The following MATN2 variants were observed in gnomAD, a reference collection of about 807,000 sequenced individuals.
MATN2 encodes the protein matrilin 2.
In MATN2, 69 loss-of-function variants were observed where a neutral mutation model predicts 103.2. That is an observed-to-expected ratio of 0.67 (90% confidence interval 0.55 to 0.82). The LOEUF (loss-of-function observed/expected upper bound fraction) is 0.82. MATN2 is among the 40% of genes least tolerant of loss of function. MATN2 has a pLI of 0.00. For synonymous variants in MATN2, 429 were observed against 450.2 expected (o/e 0.95, Z 0.60); for missense variants, 1,023 against 1,211.5 (o/e 0.84, Z 2.31).
intron 11 of MATN2, 45 bp downstream of exon 11, chr8:98,016,707 T>G: frequency 6.3e-7 from 1 of 1,596,160 alleles, no homozygotes; most frequent in Non-Finnish European, 8.5e-7. Flanking sequence ...GCCAGACCAC[T>G]GTGTGAAATC....
chr8:97,920,007 G>T (rs1306789661), intron 2 of MATN2, among the ~76,000 whole-genome samples: 1 of 152,192 alleles, frequency 6.6e-6, no homozygotes, highest in Non-Finnish European at 1.5e-5. Context: ...GCTGTGTAGG[G>T]ACTACAGACA....
intron 2 of MATN2, among the ~76,000 whole-genome samples, chr8:97,896,939 G>A (rs748243357): frequency 5.9e-5 from 9 of 151,278 alleles, no homozygotes; most frequent in Non-Finnish European, 8.8e-5. Context: ...GTGGGATCAG[G>A]CAACACAGTA....
chr8:97,972,477 A>G (rs1031806410), intron 5 of MATN2, among the ~76,000 whole-genome samples: 1 of 152,236 alleles, frequency 6.6e-6, no homozygotes, highest in African/African-American at 2.4e-5. Flanking sequence ...ATGTATGCTC[A>G]GCAAGTAAAT....
intron 12 of MATN2, among the ~76,000 whole-genome samples, chr8:98,020,115 C>T (rs577560455): frequency 8.5e-5 from 13 of 152,218 alleles, no homozygotes; most frequent in African/African-American, 3.1e-4. Context: ...GCCCATTGTG[C>T]CTGTCTGCAC....
intron 3 of MATN2, among the ~76,000 whole-genome samples, chr8:97,936,996 A>T (rs1810389933): frequency 1.3e-5 from 2 of 152,292 alleles, no homozygotes; most frequent in East Asian, 3.9e-4. Flanking sequence ...TAAGGATGGC[A>T]GTTGTGAGAG....
chr8:97,992,141 C>T (rs1408912547), intron 6 of MATN2, among the ~76,000 whole-genome samples: 1 of 152,142 alleles, frequency 6.6e-6, no homozygotes, highest in Non-Finnish European at 1.5e-5. Flanking sequence ...GAATATCCCT[C>T]CTCTTAGGAA....
At chr8:98,021,184 A>G (rs1331111275) in intron 12 of MATN2, 21 bp from the exon 13 acceptor site, 2 of 1,611,370 alleles carry the variant, frequency 1.2e-6, no homozygotes, top group Non-Finnish European at 1.7e-6. Context: ...GGGATTGTTC[A>G]ACTCCCTACA....
intron 5 of MATN2, among the ~76,000 whole-genome samples, chr8:97,977,679 G>A (rs1811885121): frequency 6.6e-6 from 1 of 152,064 alleles, no homozygotes; most frequent in African/African-American, 2.4e-5. Flanking sequence ...AACTCATTCA[G>A]ACTAAAAGCT....
rs758315496 is a variant in MATN2 at position 98,027,791 on chromosome 8, A to G, written c.2318A>G (p.Asp773Gly). 7 of 1,596,406 alleles carry G rather than the reference A, an allele frequency of 4.4e-6. No homozygotes were observed. Among genetic ancestry groups the G allele is most frequent in the Non-Finnish European group, 6.0e-6 (7 of 1,172,162 alleles). The change falls in exon 14 of 19, where the codon GAT becomes GGT. Residue 773 changes from aspartate (D) to glycine (G), a missense_variant. Asp to Gly is a moderately conservative substitution (Grantham distance 94, BLOSUM62 -1). Coordinates refer to ENST00000254898, the MANE Select transcript of MATN2 (RefSeq NM_002380.5). ...AIVFTDGRAQ[D>G]DVSEWASKAK... ...GTGTTCACCGACGGACGGGCTCAGG[A>G]TGACGTCTCCGAGTGGGCCAGTAAA...
chr8:97,961,405 C>T lies in MATN2; in HGVS notation c.836-3C>T. On this transcript the variant is annotated splice_polypyrimidine_tract_variant and splice_region_variant and intron_variant, in intron 4 of 18. Transcript: ENST00000254898. ...GTGTTCTAACATCGTGACTTTGCCT[C>T]AGTCCAGGATCTGTGTGCCATGGAG... The T allele has an allele frequency of 6.2e-7, 1 of 1,609,240 alleles. No individual in the cohort carries two copies. The highest frequency in any genetic ancestry group is 2.2e-5 in the East Asian group (1 of 44,630).
intron 2 of MATN2, among the ~76,000 whole-genome samples, chr8:97,912,875 G>C (rs999886479): frequency 2.6e-5 from 4 of 152,218 alleles, no homozygotes; most frequent in African/African-American, 9.6e-5. Flanking sequence ...ACCAGGGCCA[G>C]TGCAGGAAAC....
chr8:97,876,282 C>T (rs1230634432), intron 1 of MATN2, among the ~76,000 whole-genome samples: 3 of 151,764 alleles, frequency 2.0e-5, no homozygotes, highest in Non-Finnish European at 2.9e-5. Flanking sequence ...CTCCGCCTCC[C>T]AGGTTCAAGT....
chr8:98,029,949 T>C (rs1813948359), intron 14 of MATN2, among the ~76,000 whole-genome samples: 1 of 152,224 alleles, frequency 6.6e-6, no homozygotes. Context: ...CTGTAGATTA[T>C]CCTTTTCAGC....
intron 1 of MATN2, among the ~76,000 whole-genome samples, chr8:97,875,610 A>G (rs569759064): frequency 2.7e-5 from 4 of 150,218 alleles, no homozygotes; most frequent in Non-Finnish European, 5.9e-5. Context: ...TTCTATCACC[A>G]TAGGTTAATT....
intron 7 of MATN2, among the ~76,000 whole-genome samples, chr8:97,998,027 C>T (rs1457888000): frequency 1.3e-5 from 2 of 149,274 alleles, no homozygotes. Context: ...ACCATGTTGT[C>T]CAGGCTGGTC....
At chr8:97,904,969 A>G (rs924527415) in intron 2 of MATN2, among the ~76,000 whole-genome samples, 3 of 152,214 alleles carry the variant, frequency 2.0e-5, no homozygotes, top group Admixed American at 2.0e-4. Flanking sequence ...CCAGAGTAGT[A>G]GCAGTACTGT....
intron 2 of MATN2, among the ~76,000 whole-genome samples, chr8:97,895,673 G>A (rs1266466262): frequency 6.6e-6 from 1 of 152,218 alleles, no homozygotes; most frequent in Admixed American, 6.5e-5. Flanking sequence ...GATAGGGACT[G>A]AATATTTTTC....
chr8:97,939,154 G>C (rs1396098827), intron 3 of MATN2, among the ~76,000 whole-genome samples: 1 of 152,032 alleles, frequency 6.6e-6, no homozygotes, highest in East Asian at 1.9e-4. Context: ...TGAGATTACA[G>C]GTGTGAGCCA....
intron 2 of MATN2, among the ~76,000 whole-genome samples, chr8:97,899,837 A>G (rs1172703919): frequency 2.6e-5 from 4 of 152,158 alleles, no homozygotes; most frequent in Non-Finnish European, 5.9e-5. Context: ...TCATCTTTCA[A>G]CATGTTTCTA....
Sources: gnomAD v4.1 joint callset for allele counts (sites outside exome capture counted in the v4.1 genomes callset) on GRCh38, gnomAD v4.1.1 for gene constraint, MANE v1.5 for transcripts, NCBI Gene and HGNC (gene_info 2026-07-23, HGNC 2026-07-21) for gene names.